HEXB: variants seen among roughly 807,000 people sequenced by gnomAD.
HEXB encodes beta-hexosaminidase subunit beta.
Under a neutral mutation model 71.2 loss-of-function variants are expected in HEXB, and 51 were observed. The ratio of observed to expected loss-of-function variants is 0.72; its 90% CI spans 0.57 to 0.90. HEXB has a LOEUF of 0.90. Ranked by LOEUF, HEXB falls within the 40% of genes least tolerant of loss-of-function variation. The pLI, the probability that HEXB is intolerant of heterozygous loss-of-function variation, is 0.00. For synonymous variants in HEXB, 266 were observed against 249.3 expected, an observed-to-expected ratio of 1.07 and a Z score of -0.63; for missense variants, 617 against 677.0, an observed-to-expected ratio of 0.91 and a Z score of 0.98.
At position 74,720,666 on chromosome 5, in the gene HEXB, A is replaced by G. The variant is rs1229725676; in HGVS notation, c.1532A>G (p.Glu511Gly). ...RLWPRASAVG[E>G]RLWSSKDVRD... ...AGGCCTCGGGCAAGTGCTGTTGGTG[A>G]GAGACTCTGGAGTTCCAAAGATGTC... The change falls in exon 13 of 14, where the codon GAG becomes GGG. Residue 511 changes from glutamate (E) to glycine (G), a missense_variant. Transcript: ENST00000261416. The G allele has an allele frequency of 6.2e-7, 1 of 1,614,190 alleles. No homozygotes were observed. Among genetic ancestry groups the G allele is most frequent in the South Asian group, 1.1e-5 (1 of 91,088 alleles).
intron 6 of HEXB, among the ~76,000 whole-genome samples, chr5:74,709,113 A>C (rs1749477118): frequency 6.6e-6 from 1 of 152,258 alleles, no homozygotes; most frequent in Non-Finnish European, 1.5e-5. Context: ...CAGTGCAATC[A>C]AGCTAGAACT....
Position 74,685,406 on chromosome 5 carries a change from C to A in HEXB, c.146C>A (p.Ser49Ter), listed in dbSNP as rs1554034452. ...VAEAARAPSV[S>*]AKPGPALWPL... ...GAGGCGGCTCGGGCCCCGAGCGTCT[C>A]GGCCAAGCCGGGGCCGGCGCTGTGG... Residue 49 changes from serine (S) to a stop codon, truncating the protein, a stop_gained, in exon 1 of 14, where the codon TCG becomes TAG. Transcript: ENST00000261416. LOFTEE classifies it high-confidence loss of function. 3 of 1,596,540 alleles carry A rather than the reference C, an allele frequency of 1.9e-6. No homozygotes were observed. The highest frequency in any genetic ancestry group is 1.7e-6 in the Non-Finnish European group (2 of 1,173,808).
At chr5:74,720,959 C>T (rs925252278) in intron 13 of HEXB, 159 bp from the exon 14 acceptor site, 3 of 788,372 alleles carry the variant, frequency 3.8e-6, no homozygotes, top group Non-Finnish European at 6.3e-6. Context: ...AGAACTCCAT[C>T]TTGAGTTGCT....
intron 2 of HEXB, among the ~76,000 whole-genome samples, chr5:74,692,828 T>C (rs537499085): frequency 1.3e-5 from 2 of 152,280 alleles, no homozygotes; most frequent in Non-Finnish European, 2.9e-5. Context: ...GCTTTCAATC[T>C]CTTTACCATC....
At chr5:74,700,562 G>A (rs1749238696) in intron 5 of HEXB, among the ~76,000 whole-genome samples, 1 of 151,970 alleles carries the variant, frequency 6.6e-6, no homozygotes, top group African/African-American at 2.4e-5. Context: ...CTCCCAAAGT[G>A]TTGGGATTAT....
intron 5 of HEXB, among the ~76,000 whole-genome samples, chr5:74,701,988 C>A (rs1443816007): frequency 6.6e-6 from 1 of 151,882 alleles, no homozygotes; most frequent in Non-Finnish European, 1.5e-5. Flanking sequence ...GGTTCCACAT[C>A]CCATCCAAAA....
chr5:74,672,636 C>T (rs1435109355), intron 1 of HEXB, among the ~76,000 whole-genome samples: 1 of 152,216 alleles, frequency 6.6e-6, no homozygotes. Context: ...GGCTGACATG[C>T]CAACTGACAG....
intron 1 of HEXB, among the ~76,000 whole-genome samples, chr5:74,685,963 GCTGA>G (rs1748861997): frequency 6.6e-6 from 1 of 152,056 alleles, no homozygotes. Flanking sequence ...ATCCCCCAAA[GCTGA>G]CTGTCATTTA....
intron 1 of HEXB, among the ~76,000 whole-genome samples, chr5:74,664,012 T>A (rs1748381334): frequency 6.6e-6 from 1 of 151,886 alleles, no homozygotes; most frequent in Non-Finnish European, 1.5e-5. Context: ...TCCCAGCACT[T>A]TGGGAGGCCG....
At chr5:74,705,456 G>A in intron 6 of HEXB, 136 bp downstream of exon 6, 1 of 678,140 alleles carries the variant, frequency 1.5e-6, no homozygotes, top group Non-Finnish European at 2.6e-6. Context: ...AATTTTTTTG[G>A]CTGTGACTTA....
At chr5:74,685,773 C>A (rs891401847) in intron 1 of HEXB, among the ~76,000 whole-genome samples, 9 of 152,160 alleles carry the variant, frequency 5.9e-5, no homozygotes, top group Admixed American at 5.9e-4. Flanking sequence ...CTCAGGAACC[C>A]TGGTTTGAGA....
chr5:74,666,741 G>C (rs376127533), intron 1 of HEXB, among the ~76,000 whole-genome samples: 9 of 152,268 alleles, frequency 5.9e-5, no homozygotes, highest in African/African-American at 2.2e-4. Context: ...AACCTGCTCA[G>C]AGCAGAAATA....
chr5:74,713,692 C>T, intron 7 of HEXB, 57 bp downstream of exon 7: 3 of 1,428,762 alleles, frequency 2.1e-6, no homozygotes, highest in South Asian at 1.2e-5. Flanking sequence ...GAGATGGAGT[C>T]TTGTTCTGTC....
chr5:74,699,313 A>G (rs1441894451), intron 5 of HEXB, among the ~76,000 whole-genome samples: 1 of 147,062 alleles, frequency 6.8e-6, no homozygotes, highest in African/African-American at 2.5e-5. Context: ...TCGCTGTGTT[A>G]CCCAGGCTGG....
chr5:74,642,383 C>T (rs1388202052), intron 1 of HEXB, among the ~76,000 whole-genome samples: 1 of 152,090 alleles, frequency 6.6e-6, no homozygotes, highest in Non-Finnish European at 1.5e-5. Flanking sequence ...AGAGGGCTGG[C>T]AAGCAGCACC....
intron 6 of HEXB, among the ~76,000 whole-genome samples, chr5:74,707,352 C>G (rs1442961028): frequency 3.3e-5 from 5 of 152,258 alleles, no homozygotes; most frequent in East Asian, 1.9e-4. Context: ...AAAAACAGAG[C>G]AGAAAAACTG....
intron 3 of HEXB, among the ~76,000 whole-genome samples, chr5:74,695,929 C>CTGAA (rs1454980915): frequency 6.6e-6 from 1 of 151,892 alleles, no homozygotes; most frequent in East Asian, 1.9e-4. Context: ...TGTTTACCAT[C>CTGAA]AGACTTTCAG....
intron 6 of HEXB, among the ~76,000 whole-genome samples, chr5:74,708,068 C>A (rs1442621573): frequency 1.3e-5 from 2 of 151,926 alleles, no homozygotes; most frequent in African/African-American, 2.4e-5. Flanking sequence ...CAAAGGGAAG[C>A]CCATCAGACT....
chr5:74,646,393 A>G (rs901812339), intron 1 of HEXB, among the ~76,000 whole-genome samples: 2 of 152,156 alleles, frequency 1.3e-5, no homozygotes, highest in African/African-American at 4.8e-5. Context: ...CAGATCTCTT[A>G]GAGTGTTTAC....
Sources: allele counts gnomAD v4.1 joint callset (sites outside exome capture counted in the v4.1 genomes callset), GRCh38; gene constraint gnomAD v4.1.1; transcripts MANE v1.5; gene names NCBI Gene and HGNC (gene_info 2026-07-23, HGNC 2026-07-21).